ISOC1: variants seen among roughly 807,000 people sequenced by gnomAD.
The protein encoded by ISOC1 is isochorismatase domain-containing protein 1.
ISOC1 carries 33 observed loss-of-function variants against 30.0 expected under a neutral mutation model. That is an observed-to-expected ratio of 1.10 (90% CI 0.83 to 1.47). ISOC1 has a LOEUF of 1.47. Ranked by LOEUF, ISOC1 falls within the 40% of genes most tolerant of loss-of-function variation. The probability of loss-of-function intolerance (pLI) is 0.00; values close to 1 mark genes in which losing one functional copy is unlikely to be tolerated. For missense variants in ISOC1, 372 were observed against 388.0 expected (o/e 0.96, Z 0.35); for synonymous variants, 178 against 159.8 (o/e 1.11, Z -0.86).
chr5:129,111,767 T>C (rs1753712428), intron 4 of ISOC1, among the ~76,000 whole-genome samples: 1 of 152,174 alleles, frequency 6.6e-6, no homozygotes, highest in African/African-American at 2.4e-5. Flanking sequence ...CTTTCCCCTT[T>C]GCCTTCTCCT....
intron 4 of ISOC1, 61 bp from the exon 5 acceptor site, chr5:129,112,794 T>G (rs1286378175): frequency 1.3e-6 from 2 of 1,560,578 alleles, no homozygotes; most frequent in Non-Finnish European, 1.7e-6. Flanking sequence ...AGTGTTACTC[T>G]TCTGAAATAG....
intron 1 of ISOC1, among the ~76,000 whole-genome samples, chr5:129,101,192 A>AAAAAAAAAAAAT (rs1554064627): frequency 1.9e-4 from 8 of 42,232 alleles, no homozygotes; most frequent in African/African-American, 3.7e-4. Flanking sequence ...AAAAAAAAAA[A>AAAAAAAAAAAAT]ATATATATAT....
At chr5:129,104,176 A>C (rs924382932) in intron 1 of ISOC1, among the ~76,000 whole-genome samples, 1 of 152,284 alleles carries the variant, frequency 6.6e-6, no homozygotes, top group East Asian at 1.9e-4. Context: ...ACGACAGTTC[A>C]TTTAACAGCA....
chr5:129,097,378 G>T (rs1561420807), intron 1 of ISOC1, among the ~76,000 whole-genome samples: 2 of 151,892 alleles, frequency 1.3e-5, no homozygotes, highest in Non-Finnish European at 2.9e-5. Context: ...AGAAGAGAGA[G>T]ATATATATAC....
At chr5:129,105,448 G>A (rs1753625516) in intron 3 of ISOC1, 60 bp downstream of exon 3, 3 of 1,423,346 alleles carry the variant, frequency 2.1e-6, no homozygotes, top group Non-Finnish European at 2.9e-6. Context: ...CAATATTTGT[G>A]GAATGTAATT....
In ISOC1 at chr5:129,113,786, G is replaced by C. The variant is rs1411047253; in HGVS notation, c.*785G>C. ...TAGTGTCCACAAGATTTAGCAAAAAGATAAAGCTTGGGTGGAATATCATTT... is the reference window on the plus strand; with the variant it reads ...TAGTGTCCACAAGATTTAGCAAAAACATAAAGCTTGGGTGGAATATCATTT... On this transcript the variant is annotated 3_prime_UTR_variant, in exon 5 of 5. Coordinates refer to ENST00000173527, the MANE Select transcript of ISOC1 (RefSeq NM_016048.2). The C allele has an allele frequency of 6.6e-6, 1 of 152,096 alleles. No homozygotes were observed. Among genetic ancestry groups the C allele is most frequent in the East Asian group, 1.9e-4 (1 of 5,196 alleles). The allele number at this position is 152,096 out of a possible 1,614,324, so 9.4% of individuals were successfully genotyped here.
At chr5:129,101,496 A>G (rs933494570) in intron 1 of ISOC1, among the ~76,000 whole-genome samples, 1 of 151,980 alleles carries the variant, frequency 6.6e-6, no homozygotes, top group Admixed American at 6.6e-5. Flanking sequence ...CTCTGTCTCA[A>G]AAAAATATGT....
At chr5:129,100,890 A>G (rs559922932) in intron 1 of ISOC1, among the ~76,000 whole-genome samples, 20 of 150,400 alleles carry the variant, frequency 1.3e-4, no homozygotes, top group African/African-American at 4.6e-4. Flanking sequence ...TCCCCCAAAT[A>G]TCATAGCATA....
chr5:129,095,107 G>C (rs1387830795), intron 1 of ISOC1, 32 bp downstream of exon 1: 1 of 1,509,568 alleles, frequency 6.6e-7, no homozygotes, highest in Non-Finnish European at 8.8e-7. Flanking sequence ...GCGCTTCCCT[G>C]TTCCCGAGTC....
At chr5:129,109,606 G>A (rs1000328820) in intron 4 of ISOC1, among the ~76,000 whole-genome samples, 2 of 152,146 alleles carry the variant, frequency 1.3e-5, no homozygotes, top group African/African-American at 4.8e-5. Context: ...ACATTGCCTG[G>A]GGTTAAAGTG....
intron 4 of ISOC1, among the ~76,000 whole-genome samples, chr5:129,112,644 C>T (rs1482015744): frequency 2.0e-5 from 3 of 151,574 alleles, no homozygotes; most frequent in Non-Finnish European, 4.4e-5. Context: ...ACTCGTTCTA[C>T]TCCATTTTAC....
At chr5:129,097,715 G>C (rs935906107) in intron 1 of ISOC1, 1 of 151,240 alleles carries the variant, frequency 6.6e-6, no homozygotes, top group Non-Finnish European at 1.5e-5. Context: ...TGCCTGGCTA[G>C]CTCCTCCACA....
At chr5:129,102,468 A>G (rs1753584417) in intron 1 of ISOC1, among the ~76,000 whole-genome samples, 1 of 152,196 alleles carries the variant, frequency 6.6e-6, no homozygotes, top group African/African-American at 2.4e-5. Flanking sequence ...AGCTAAAATG[A>G]AGGGCAGGAA....
At chr5:129,107,309 T>C (rs72783120) in intron 4 of ISOC1, among the ~76,000 whole-genome samples, 6,555 of 152,248 alleles carry the variant, frequency 0.043, 223 homozygotes, top group Non-Finnish European at 0.067. Context: ...ACATCTTTCG[T>C]CATACGTTTG....
intron 1 of ISOC1, among the ~76,000 whole-genome samples, chr5:129,096,730 TCC>T (rs1753506629): frequency 6.6e-6 from 1 of 152,294 alleles, no homozygotes; most frequent in South Asian, 2.1e-4. Context: ...AAGGCTAGAA[TCC>T]AAATACTAAC....
intron 4 of ISOC1, among the ~76,000 whole-genome samples, chr5:129,112,093 A>G (rs1003396656): frequency 1.3e-5 from 2 of 152,198 alleles, no homozygotes; most frequent in African/African-American, 4.8e-5. Context: ...AAGAACCATC[A>G]TTTTAATTCT....
At chr5:129,096,408 A>G (rs1488282692) in intron 1 of ISOC1, among the ~76,000 whole-genome samples, 8 of 152,136 alleles carry the variant, frequency 5.3e-5, no homozygotes, top group Admixed American at 5.2e-4. Context: ...TGTCACCCCA[A>G]CACCTGTGCC....
chr5:129,103,898 T>G (rs1753601461), intron 1 of ISOC1, among the ~76,000 whole-genome samples: 1 of 152,126 alleles, frequency 6.6e-6, no homozygotes, highest in Non-Finnish European at 1.5e-5. Flanking sequence ...ACACATCCTT[T>G]ACAGTACTTC....
At chr5:129,106,602 C>T (rs1349688417) in intron 3 of ISOC1, among the ~76,000 whole-genome samples, 1 of 152,126 alleles carries the variant, frequency 6.6e-6, no homozygotes, top group African/African-American at 2.4e-5. Flanking sequence ...AACTCAAAGT[C>T]GCACCAAAAC....
Sources: allele counts gnomAD v4.1 joint callset (sites outside exome capture counted in the v4.1 genomes callset), GRCh38; gene constraint gnomAD v4.1.1; transcripts MANE v1.5; gene names NCBI Gene and HGNC (gene_info 2026-07-23, HGNC 2026-07-21).